Variants in SORCS1 observed in about 807,000 individuals in gnomAD.
The protein encoded by SORCS1 is VPS10 domain-containing receptor SorCS1.
A neutral mutation model predicts 146.1 loss-of-function variants in SORCS1; 60 were observed. The observed-to-expected ratio is 0.41, with a 90% CI of 0.33 to 0.51. The LOEUF (loss-of-function observed/expected upper bound fraction) is 0.51. Ranked by LOEUF, SORCS1 falls within the 20% of genes least tolerant of loss-of-function variation. The pLI is 0.21. For synonymous variants in SORCS1, 637 were observed against 584.0 expected, an observed-to-expected ratio of 1.09 and a Z score of -1.31; for missense variants, 1,352 against 1,487.6, an observed-to-expected ratio of 0.91 and a Z score of 1.50.
chr10:106,997,197 C>T (rs1311777669), intron 1 of SORCS1, among the ~76,000 whole-genome samples: 1 of 152,110 alleles, frequency 6.6e-6, no homozygotes, highest in Non-Finnish European at 1.5e-5. Context: ...CCATTACTTA[C>T]CTTTAGACTC....
intron 3 of SORCS1, among the ~76,000 whole-genome samples, chr10:106,779,546 TA>T (rs66530476): frequency 0.21 from 28,722 of 137,636 alleles, 3,544 homozygotes; most frequent in Non-Finnish European, 0.27. Flanking sequence ...TTATGGCCCA[TA>T]TTTTTTTTTT....
chr10:107,179,041 T>C, the SORCS1 span, among the ~76,000 whole-genome samples: 1 of 152,148 alleles, frequency 6.6e-6, no homozygotes, highest in Admixed American at 6.6e-5. Context: ...AGTCTCTATA[T>C]TGTTATCCAT....
chr10:106,932,304 G>A (rs147652336), intron 2 of SORCS1, among the ~76,000 whole-genome samples: 27 of 152,190 alleles, frequency 1.8e-4, no homozygotes, highest in Admixed American at 3.3e-4. Flanking sequence ...ATTGTCTTGA[G>A]TAAAAATAAC....
chr10:106,884,015 T>A (rs7092246), intron 2 of SORCS1, among the ~76,000 whole-genome samples: 74,988 of 152,018 alleles, frequency 0.49, 19,138 homozygotes, highest in African/African-American at 0.63. Flanking sequence ...TTCTCAAGCC[T>A]TAATATATAT....
At chr10:106,612,787 T>G (rs1253539780) in intron 21 of SORCS1, among the ~76,000 whole-genome samples, 1 of 152,164 alleles carries the variant, frequency 6.6e-6, no homozygotes, top group African/African-American at 2.4e-5. Context: ...TTGCAGCCTT[T>G]GCCTATTATT....
chr10:106,656,293 G>A (rs1252623814), intron 17 of SORCS1, among the ~76,000 whole-genome samples: 1 of 152,212 alleles, frequency 6.6e-6, no homozygotes, highest in Non-Finnish European at 1.5e-5. Flanking sequence ...GCTCATGCCT[G>A]CAATCCCAGG....
intron 1 of SORCS1, among the ~76,000 whole-genome samples, chr10:106,987,149 G>A (rs1008483399): frequency 2.0e-5 from 3 of 152,210 alleles, no homozygotes; most frequent in African/African-American, 7.2e-5. Flanking sequence ...GGAACATGCA[G>A]AGGCTTAGCT....
chr10:107,117,841 A>C (rs1383277562), intron 1 of SORCS1, among the ~76,000 whole-genome samples: 2 of 152,174 alleles, frequency 1.3e-5, no homozygotes, highest in Non-Finnish European at 2.9e-5. Context: ...TTTGCCTCAC[A>C]GTGACTCATA....
intron 1 of SORCS1, among the ~76,000 whole-genome samples, chr10:107,118,858 T>C (rs7089127): frequency 0.064 from 9,814 of 152,214 alleles, 340 homozygotes; most frequent in Non-Finnish European, 0.077. Context: ...AGACATGACA[T>C]GTAAAACTTC....
rs1966506903 is a variant in SORCS1 at position 107,123,179 on chromosome 10, T to C, written c.558+40790A>G. On this transcript the variant is annotated intron_variant, in intron 1 of 25. Coordinates refer to ENST00000263054, the MANE Select transcript of SORCS1 (RefSeq NM_052918.5). Reference sequence around the variant, plus strand: ...AAGCAGCTCCCAACTTACAAGGGGGTATATGGTAAACATTCTCAATGATGT... The same window carrying C: ...AAGCAGCTCCCAACTTACAAGGGGGCATATGGTAAACATTCTCAATGATGT... Among the ~76,000 whole-genome samples the C allele has an allele frequency of 2.0e-5, 3 of 149,828 alleles. No homozygotes were observed. In the South Asian group the frequency reaches 6.3e-4, roughly 32 times the overall value.
chr10:106,599,518 A>T (rs1846110361), intron 23 of SORCS1, among the ~76,000 whole-genome samples: 1 of 152,358 alleles, frequency 6.6e-6, no homozygotes, highest in South Asian at 2.1e-4. Context: ...GGAATCAGAC[A>T]GTGGAGTTTT....
chr10:106,864,306 A>G (rs1265247100), intron 2 of SORCS1, among the ~76,000 whole-genome samples: 2 of 151,962 alleles, frequency 1.3e-5, no homozygotes, highest in African/African-American at 4.8e-5. Context: ...AGCCAGGGTA[A>G]CCTCCCCCGC....
At chr10:106,819,585 G>A (rs1342600157) in intron 3 of SORCS1, among the ~76,000 whole-genome samples, 2 of 152,080 alleles carry the variant, frequency 1.3e-5, no homozygotes, top group African/African-American at 2.4e-5. Flanking sequence ...AGCATTAAAA[G>A]GACAAAAATC....
chr10:107,075,190 G>A (rs1482632373), intron 1 of SORCS1, among the ~76,000 whole-genome samples: 1 of 152,130 alleles, frequency 6.6e-6, no homozygotes, highest in African/African-American at 2.4e-5. Context: ...TTAAAATCGA[G>A]AACTTGAGGT....
At chr10:106,775,826 T>C (rs1764620710) in intron 4 of SORCS1, among the ~76,000 whole-genome samples, 1 of 152,226 alleles carries the variant, frequency 6.6e-6, no homozygotes, top group Non-Finnish European at 1.5e-5. Context: ...GCTAGCCTTT[T>C]ATTCTACCTG....
chr10:107,165,815 C>T (rs1476440909), upstream of SORCS1, among the ~76,000 whole-genome samples: 1 of 152,206 alleles, frequency 6.6e-6, no homozygotes, highest in Non-Finnish European at 1.5e-5. This position sits in a 1 kb window ranked among gnomAD's most constrained non-coding sequence, Gnocchi z 4.0. Context: ...AGACAAATCA[C>T]AATCTGTCAG....
At position 107,152,003 on chromosome 10, in the gene SORCS1, G is replaced by GTGGACCAGGCCCGGAAAAATC. The variant is rs1968839376; in HGVS notation, c.558+11965_558+11966insGATTTTTCCGGGCCTGGTCCA. On this transcript the variant is annotated intron_variant, in intron 1 of 25. Coordinates refer to ENST00000263054, the MANE Select transcript of SORCS1 (RefSeq NM_052918.5). ...ACCCAGAGGCCTAGGAGGGAAAAAT[G>GTGGACCAGGCCCGGAAAAATC]CTTTAGTGGACCAGGCCCAGAACCC... 3.3e-5 allele frequency among the ~76,000 whole-genome samples: 5 copies of GTGGACCAGGCCCGGAAAAATC among 152,292 alleles called. No individual in the cohort carries two copies. The South Asian group carries it at 1.0e-3, about 32-fold the overall frequency.
At position 107,047,802 on chromosome 10, in the gene SORCS1, C is replaced by T. The variant is rs1032252550; in HGVS notation, c.559-91222G>A. On this transcript the variant is annotated intron_variant, in intron 1 of 25. Coordinates refer to ENST00000263054, the MANE Select transcript of SORCS1 (RefSeq NM_052918.5). Reference sequence around the variant, plus strand: ...TCATACCCCTGTTTAGGAAGCTTGCCGGGTGCGTTGGCTCACACCTATAAT... The same window carrying T: ...TCATACCCCTGTTTAGGAAGCTTGCTGGGTGCGTTGGCTCACACCTATAAT... 3.3e-5 allele frequency among the ~76,000 whole-genome samples: 5 copies of T among 152,026 alleles called. No individual in the cohort carries two copies. The East Asian group carries it at 5.8e-4, about 18-fold the overall frequency.
intron 9 of SORCS1, among the ~76,000 whole-genome samples, chr10:106,696,423 C>G (rs1018332783): frequency 1.3e-5 from 2 of 152,204 alleles, no homozygotes; most frequent in African/African-American, 4.8e-5. Context: ...AATATTCTTT[C>G]TATCTAGGTA....
Sources: allele counts gnomAD v4.1 joint callset (sites outside exome capture counted in the v4.1 genomes callset), GRCh38; gene constraint gnomAD v4.1.1; non-coding constraint Gnocchi (gnomAD v3.1); transcripts MANE v1.5; gene names NCBI Gene and HGNC (gene_info 2026-07-23, HGNC 2026-07-21).